BLTP1: variants seen among roughly 807,000 people sequenced by gnomAD.
The protein encoded by BLTP1 is fragile site-associated protein.
At chr4:122,301,356 A>G in the BLTP1 span, 2 of 1,602,786 alleles carry the variant, frequency 1.2e-6, no homozygotes, top group Non-Finnish European at 1.7e-6. Flanking sequence ...AGATGGAGAT[A>G]AACCTAAAAT....
chr4:122,230,591 C>A, the BLTP1 span, among the ~76,000 whole-genome samples: 2 of 152,110 alleles, frequency 1.3e-5, no homozygotes, highest in Non-Finnish European at 2.9e-5. Context: ...GTACTACTAT[C>A]GTCTACTGTA....
the BLTP1 span, among the ~76,000 whole-genome samples, chr4:122,268,221 G>A: frequency 2.0e-5 from 3 of 151,966 alleles, no homozygotes; most frequent in Admixed American, 6.6e-5. Context: ...TAGTACATTG[G>A]AATTTAAAAT....
At chr4:122,287,439 G>A in the BLTP1 span, 5 of 213,470 alleles carry the variant, frequency 2.3e-5, no homozygotes, top group Non-Finnish European at 4.0e-5. Context: ...AACTTGAAGC[G>A]GAGAAGTAAA....
the BLTP1 span, chr4:122,357,098 G>A: frequency 2.2e-6 from 2 of 890,224 alleles, no homozygotes; most frequent in Middle Eastern, 5.7e-4. Flanking sequence ...AAAGAAGCAT[G>A]AGTTATTTAC....
chr4:122,314,149 C>T, the BLTP1 span: 4 of 984,450 alleles, frequency 4.1e-6, no homozygotes, highest in African/African-American at 5.2e-5. Flanking sequence ...ACTCAAAGGA[C>T]AGGATAAATC....
the BLTP1 span, chr4:122,154,253 G>A: frequency 1.1e-6 from 1 of 900,322 alleles, no homozygotes; most frequent in Non-Finnish European, 1.3e-6. Flanking sequence ...TTGGCTCACT[G>A]CAAGCTCCAC....
chr4:122,244,059 C>A, the BLTP1 span: 1 of 1,535,008 alleles, frequency 6.5e-7, no homozygotes, highest in Non-Finnish European at 8.7e-7. Flanking sequence ...ACAACTGTTG[C>A]TTTATACAAT....
At chr4:122,280,099 T>C in the BLTP1 span, 1 of 1,544,334 alleles carries the variant, frequency 6.5e-7, no homozygotes. Flanking sequence ...TCGACCATTA[T>C]GGACAGTGGA....
the BLTP1 span, among the ~76,000 whole-genome samples, chr4:122,166,219 A>C: frequency 6.6e-6 from 1 of 152,242 alleles, no homozygotes. Context: ...CTAACGTTTA[A>C]GTCTTTAATC....
chr4:122,318,273 G>A, the BLTP1 span: 2 of 1,608,234 alleles, frequency 1.2e-6, no homozygotes, highest in Middle Eastern at 1.6e-4. Flanking sequence ...GTATGCGGGT[G>A]AGTTCTCTTT....
chr4:122,208,027 T>C, the BLTP1 span: 4 of 985,284 alleles, frequency 4.1e-6, no homozygotes, highest in Non-Finnish European at 4.8e-6. Context: ...TCCTTTTATC[T>C]GAATGCCAGC....
the BLTP1 span, chr4:122,192,408 G>GT: frequency 6.9e-7 from 1 of 1,445,872 alleles, no homozygotes; most frequent in African/African-American, 1.4e-5. Flanking sequence ...TTTCTAATAA[G>GT]TTTTTTAGAT....
the BLTP1 span, chr4:122,346,786 T>C: frequency 6.2e-7 from 1 of 1,604,920 alleles, no homozygotes; most frequent in Non-Finnish European, 8.5e-7. Flanking sequence ...AATTTTAATT[T>C]TGGTTACTGT....
the BLTP1 span, chr4:122,214,543 C>A: frequency 1.0e-6 from 1 of 956,330 alleles, no homozygotes; most frequent in Non-Finnish European, 1.2e-6. Flanking sequence ...TAAAAGTTTG[C>A]CGTAATGTAT....
At chr4:122,338,180 G>C in the BLTP1 span, among the ~76,000 whole-genome samples, 1 of 151,976 alleles carries the variant, frequency 6.6e-6, no homozygotes, top group African/African-American at 2.4e-5. Context: ...TGGGTGCAGT[G>C]GCTCACACCT....
At chr4:122,170,655 A>G in the BLTP1 span, 1 of 1,572,876 alleles carries the variant, frequency 6.4e-7, no homozygotes, top group Non-Finnish European at 8.6e-7. Context: ...GTAATGGATC[A>G]AAGGAAGAAT....
At chr4:122,246,588 G>A in the BLTP1 span, 1 of 1,382,762 alleles carries the variant, frequency 7.2e-7, no homozygotes, top group South Asian at 1.4e-5. Flanking sequence ...ACATAGATAT[G>A]CCATTCTTAA....
At chr4:122,292,591 A>G in the BLTP1 span, 1 of 928,268 alleles carries the variant, frequency 1.1e-6, no homozygotes, top group Non-Finnish European at 1.3e-6. Flanking sequence ...GTAATATAAC[A>G]TGAAGATTTC....
chr4:122,324,587 T>A, the BLTP1 span: 1 of 1,457,130 alleles, frequency 6.9e-7, no homozygotes, highest in Non-Finnish European at 9.4e-7. Context: ...TTGACTCTTT[T>A]ACCAAGGTCA....
Sources: allele counts gnomAD v4.1 joint callset (sites outside exome capture counted in the v4.1 genomes callset), GRCh38; gene constraint gnomAD v4.1.1; transcripts MANE v1.5; gene names NCBI Gene and HGNC (gene_info 2026-07-23, HGNC 2026-07-21).